SQOR: variants seen among roughly 807,000 people sequenced by gnomAD.
SQOR encodes the protein sulfide quinone oxidoreductase, also known as sulfide:quinone oxidoreductase, mitochondrial.
A neutral mutation model predicts 48.6 loss-of-function variants in SQOR; 39 were observed. The observed-to-expected ratio is 0.80, with a 90% confidence interval of 0.62 to 1.05. SQOR has a LOEUF of 1.05. Among genes scored for constraint, SQOR ranks in the 50% least tolerant of loss-of-function variants. SQOR has a pLI of 0.00. For synonymous variants in SQOR, 220 were observed against 206.2 expected (o/e 1.07, Z -0.57); for missense variants, 561 against 559.9 (o/e 1.00, Z -0.02).
In SQOR at chr15:45,669,976, G is replaced by T. The variant is rs768583415; in HGVS notation, c.454G>T (p.Glu152Ter). 2 of 1,614,058 alleles carry T rather than the reference G, an allele frequency of 1.2e-6. No homozygotes were observed. Among genetic ancestry groups the T allele is most frequent in the East Asian group, 4.5e-5 (2 of 44,882 alleles). The change falls in exon 4 of 10, where the codon GAG becomes TAG. Residue 152 changes from glutamate to a stop codon, truncating the protein, a stop_gained. Transcript: ENST00000260324. LOFTEE classifies it high-confidence loss of function. ...IIALGIQLDY[E>*]KIKGLPEGFA... is the part of the protein sequence containing the mutation. ...TGCTCTCGGAATCCAGCTGGACTATGAGAAGGTACCGTGTGAAACTGTTTC... is the reference window on the plus strand; with the variant it reads ...TGCTCTCGGAATCCAGCTGGACTATTAGAAGGTACCGTGTGAAACTGTTTC...
In SQOR at chr15:45,658,890, T is replaced by C; in HGVS notation, c.-17-17T>C. 2 of 1,477,188 alleles carry C rather than the reference T, an allele frequency of 1.4e-6. No homozygotes were observed. Among genetic ancestry groups the C allele is most frequent in the Non-Finnish European group, 1.8e-6 (2 of 1,107,190 alleles). The allele number at this position is 1,477,188 out of a possible 1,614,324, so 91.5% of individuals were successfully genotyped here. The stretch of plus-strand genomic sequence containing the variant: ...GTTTCTACCTTGGCACTCACAGCCC[T>C]GTCTCTTCCCTTCCAGCCTGATCCT... On this transcript the variant is annotated splice_polypyrimidine_tract_variant and intron_variant, in intron 1 of 9. Transcript: ENST00000260324.
At chr15:45,687,363 C>T (rs1466555004) in intron 7 of SQOR, among the ~76,000 whole-genome samples, 1 of 152,214 alleles carries the variant, frequency 6.6e-6, no homozygotes, top group Non-Finnish European at 1.5e-5. Flanking sequence ...CCACTTTCCT[C>T]GGCCTCCCAA....
At chr15:45,656,220 A>T (rs967963256) in intron 1 of SQOR, among the ~76,000 whole-genome samples, 1 of 152,210 alleles carries the variant, frequency 6.6e-6, no homozygotes. Flanking sequence ...TGATGGTGGT[A>T]GCCAACTCAC....
chr15:45,650,594 A>G (rs1428917285), intron 1 of SQOR, among the ~76,000 whole-genome samples: 1 of 152,226 alleles, frequency 6.6e-6, no homozygotes, highest in Admixed American at 6.5e-5. Context: ...TCGCTCGGGC[A>G]GCCTGCTTTT....
At chr15:45,652,054 A>G (rs1391685127) in intron 1 of SQOR, among the ~76,000 whole-genome samples, 1 of 151,370 alleles carries the variant, frequency 6.6e-6, no homozygotes, top group African/African-American at 2.4e-5. Flanking sequence ...TTGTATTTTT[A>G]GTAGACAGGG....
intron 1 of SQOR, among the ~76,000 whole-genome samples, chr15:45,655,921 G>C (rs1391277725): frequency 6.6e-6 from 1 of 151,586 alleles, no homozygotes; most frequent in African/African-American, 2.4e-5. Flanking sequence ...TCCTGACCTT[G>C]TGATCCGCCC....
intron 6 of SQOR, among the ~76,000 whole-genome samples, chr15:45,681,699 A>G (rs1305918845): frequency 6.6e-6 from 1 of 152,204 alleles, no homozygotes; most frequent in Non-Finnish European, 1.5e-5. Flanking sequence ...AAAAATAAAT[A>G]AAAAGAATAA....
chr15:45,677,006 A>C (rs140660278), intron 6 of SQOR, among the ~76,000 whole-genome samples: 6,173 of 150,732 alleles, frequency 0.041, 442 homozygotes, highest in African/African-American at 0.14. Context: ...GTACCACTGC[A>C]CTCCAGCCTG....
At chr15:45,678,953 G>A (rs551447306) in intron 6 of SQOR, among the ~76,000 whole-genome samples, 2 of 152,242 alleles carry the variant, frequency 1.3e-5, no homozygotes, top group East Asian at 3.9e-4. Flanking sequence ...GCCCAAGTTG[G>A]GCTTTCACTA....
intron 3 of SQOR, among the ~76,000 whole-genome samples, chr15:45,665,177 G>A (rs915970703): frequency 2.0e-5 from 3 of 152,196 alleles, no homozygotes; most frequent in East Asian, 1.9e-4. Context: ...GCACTACTAG[G>A]TGTTCTCACT....
At chr15:45,659,195 CGTGTGTGTGTGTGTGA>C (rs1889675196) in intron 2 of SQOR, 38 bp downstream of exon 2, 31 of 1,349,638 alleles carry the variant, frequency 2.3e-5, no homozygotes, top group East Asian at 1.1e-4. Flanking sequence ...TGTGTGTGTA[CGTGTGTGTGTGTGTGA>C]GTGTGTGTGT....
intron 1 of SQOR, among the ~76,000 whole-genome samples, chr15:45,651,142 G>A (rs1158727025): frequency 5.9e-5 from 9 of 152,238 alleles, no homozygotes; most frequent in Admixed American, 5.9e-4. Context: ...CAGGTCCCAA[G>A]CCCTGCCCTG....
chr15:45,660,818 T>C (rs1159138967), intron 2 of SQOR, among the ~76,000 whole-genome samples: 3 of 152,162 alleles, frequency 2.0e-5, no homozygotes, highest in African/African-American at 7.2e-5. Flanking sequence ...GGTGTCCTCT[T>C]CACCTCTCTG....
chr15:45,686,087 C>T (rs1298997021), intron 7 of SQOR, among the ~76,000 whole-genome samples: 1 of 151,832 alleles, frequency 6.6e-6, no homozygotes, highest in Non-Finnish European at 1.5e-5. Context: ...CTCAAGCGAT[C>T]CTCCTGCTTT....
chr15:45,671,375 C>T (rs1299735990), intron 4 of SQOR, among the ~76,000 whole-genome samples: 2 of 152,096 alleles, frequency 1.3e-5, no homozygotes, highest in Non-Finnish European at 2.9e-5. Context: ...TCAGGCTGGT[C>T]TCAAACTCCT....
intron 1 of SQOR, among the ~76,000 whole-genome samples, chr15:45,655,115 CCT>C (rs1423690089): frequency 1.3e-5 from 2 of 152,136 alleles, no homozygotes; most frequent in Non-Finnish European, 2.9e-5. Context: ...AAAAGGAAAA[CCT>C]TACCGAGGAC....
chr15:45,655,666 T>C (rs1889589418), intron 1 of SQOR, among the ~76,000 whole-genome samples: 1 of 150,436 alleles, frequency 6.6e-6, no homozygotes, highest in South Asian at 2.1e-4. Context: ...TTCTGGGAAG[T>C]TGTAGAAAGT....
chr15:45,669,873 C>T, intron 3 of SQOR, 55 bp from the exon 4 acceptor site: 1 of 1,509,972 alleles, frequency 6.6e-7, no homozygotes, highest in Non-Finnish European at 9.2e-7. Context: ...TGAGTCAGTC[C>T]TTGAGTTGAT....
chr15:45,686,322 T>C (rs779635369), intron 7 of SQOR, among the ~76,000 whole-genome samples: 1 of 152,130 alleles, frequency 6.6e-6, no homozygotes, highest in Non-Finnish European at 1.5e-5. Flanking sequence ...TGGCTAATTT[T>C]CCTATTTTTA....
Sources: allele counts gnomAD v4.1 joint callset (sites outside exome capture counted in the v4.1 genomes callset), GRCh38; gene constraint gnomAD v4.1.1; transcripts MANE v1.5; gene names NCBI Gene and HGNC (gene_info 2026-07-23, HGNC 2026-07-21).